Variants in RANBP3 observed in about 807,000 individuals in gnomAD.
RANBP3 encodes the protein ran-binding protein 3.
A neutral mutation model predicts 77.3 loss-of-function variants in RANBP3; 14 were observed. That is an observed-to-expected ratio of 0.18 (90% CI 0.12 to 0.28). The LOEUF is 0.28. RANBP3 is among the 10% of genes least tolerant of loss of function. The probability of loss-of-function intolerance (pLI) is 1.00; values close to 1 mark genes in which losing one functional copy is unlikely to be tolerated. For synonymous variants in RANBP3, 315 were observed against 312.4 expected, an observed-to-expected ratio of 1.01 and a Z score of -0.09; for missense variants, 586 against 752.3, an observed-to-expected ratio of 0.78 and a Z score of 2.59.
intron 3 of RANBP3, among the ~76,000 whole-genome samples, chr19:5,947,217 G>A (rs2058216523): frequency 6.6e-6 from 1 of 151,704 alleles, no homozygotes; most frequent in Non-Finnish European, 1.5e-5. Context: ...GGGAGGCTGA[G>A]TCAGGAGAAT....
chr19:5,921,857 C>T lies in RANBP3; in HGVS notation c.1210-536G>A, dbSNP rs1051820081. Among the ~76,000 whole-genome samples, 6 of 152,244 alleles carry T rather than the reference C, an allele frequency of 3.9e-5. No individual in the cohort carries two copies. The highest frequency in any genetic ancestry group is 1.4e-4 in the African/African-American group (6 of 41,452). ...ACACACATGGTCCGCCCCTACAGCG[C>T]ATCTCACTCAGTCTTAATAAAGAAC... On this transcript the variant is annotated intron_variant, in intron 13 of 16. Coordinates refer to ENST00000340578, the MANE Select transcript of RANBP3 (RefSeq NM_007322.3). This position sits in a 1 kb window ranked among gnomAD's most constrained non-coding sequence, Gnocchi z 5.3.
At position 5,923,883 on chromosome 19, in the gene RANBP3, T is replaced by C. The variant is rs2057863522; in HGVS notation, c.1028A>G (p.Asp343Gly). The change falls in exon 12 of 17, where the codon GAT becomes GGT. Residue 343 changes from aspartate to glycine, a missense_variant. Asp to Gly is a moderately conservative substitution (Grantham distance 94, BLOSUM62 -1). This residue lies in a region of RANBP3 where 232 missense variants were observed against 271.7 expected (regional missense o/e 0.85). Transcript: ENST00000340578. ...GGCAGCTGCATTTTCCCTGTTGGCA[T>C]CTGAACTGACCTCGTTTAATTTTGG... is the stretch of plus-strand genomic sequence containing the variant. ...SPPKLNEVSS[D>G]ANRENAAAES... The C allele has an allele frequency of 1.9e-6, 3 of 1,614,138 alleles. No individual in the cohort carries two copies. Among genetic ancestry groups the C allele is most frequent in the Non-Finnish European group, 8.5e-7 (1 of 1,180,010 alleles).
intron 5 of RANBP3, among the ~76,000 whole-genome samples, chr19:5,939,917 G>A (rs2058113534): frequency 6.6e-6 from 1 of 152,244 alleles, no homozygotes; most frequent in Non-Finnish European, 1.5e-5. Flanking sequence ...CCACATTGGA[G>A]GCCCTGACTC....
chr19:5,972,717 G>C (rs1181904002), intron 1 of RANBP3, among the ~76,000 whole-genome samples: 2 of 151,992 alleles, frequency 1.3e-5, no homozygotes, highest in African/African-American at 4.8e-5. Context: ...CCTATTCACT[G>C]TCTGAACTCA....
At chr19:5,939,397 TGAA>T (rs765467364) in intron 5 of RANBP3, among the ~76,000 whole-genome samples, 15 of 152,218 alleles carry the variant, frequency 9.9e-5, no homozygotes, top group African/African-American at 2.6e-4. Context: ...TTTTAACAGC[TGAA>T]GAAGAACTGA....
chr19:5,927,949 G>T lies in RANBP3; in HGVS notation c.813+19C>A. 3.1e-6 allele frequency: 5 copies of T among 1,593,318 alleles called. No individual in the cohort carries two copies. The highest frequency in any genetic ancestry group is 4.3e-6 in the Non-Finnish European group (5 of 1,171,560). On this transcript the variant is annotated intron_variant, in intron 9 of 16. Transcript: ENST00000340578. The stretch of plus-strand genomic sequence containing the variant: ...GGAAGGCATAAAAAGTCAATGTGCT[G>T]GTTCAACAGCTCACATACCTTAACT...
intron 14 of RANBP3, among the ~76,000 whole-genome samples, chr19:5,919,762 T>C (rs1429782628): frequency 4.6e-5 from 7 of 152,146 alleles, no homozygotes; most frequent in Admixed American, 1.3e-4. Context: ...TTAGCCAGGC[T>C]TGGTGGCGGG....
At chr19:5,940,729 C>T (rs2058125002) in intron 5 of RANBP3, among the ~76,000 whole-genome samples, 2 of 152,334 alleles carry the variant, frequency 1.3e-5, no homozygotes, top group Admixed American at 6.5e-5. Context: ...ACCAGAGAAC[C>T]TGTCTAAACA....
At chr19:5,928,761 T>C (rs567212777) in intron 8 of RANBP3, among the ~76,000 whole-genome samples, 1 of 83,444 alleles carries the variant, frequency 1.2e-5, no homozygotes, top group African/African-American at 5.1e-5. Flanking sequence ...TTTCAACATG[T>C]AGGCATGACT....
At chr19:5,947,796 G>A (rs963504601) in intron 3 of RANBP3, among the ~76,000 whole-genome samples, 96 of 152,322 alleles carry the variant, frequency 6.3e-4, no homozygotes, top group African/African-American at 2.3e-3. Context: ...CAGCCATAGG[G>A]AGCTTGTGGG....
rs769227444 is a variant in RANBP3, at chr19:5,951,549, C to A, written c.126G>T (p.Arg42=). 2 of 1,613,162 alleles carry A rather than the reference C, an allele frequency of 1.2e-6. No homozygotes were observed. The highest frequency in any genetic ancestry group is 3.3e-5 in the Admixed American group (2 of 59,910). Residue 42 remains arginine, a synonymous_variant, in exon 3 of 17, where the codon CGG becomes CGT. Transcript: ENST00000340578. ...KNLSDSGEEP[R]GEAEAPHHGT... ...CATGGTGGGGGGCCTCAGCCTCCCCCCGAGGCTCCTCTCCCGAATCCGACA... is the reference window on the plus strand; with the variant it reads ...CATGGTGGGGGGCCTCAGCCTCCCCACGAGGCTCCTCTCCCGAATCCGACA...
chr19:5,917,685 G>A (rs1391205648), intron 16 of RANBP3, 32 bp from the exon 17 acceptor site: 2 of 1,602,122 alleles, frequency 1.2e-6, no homozygotes, highest in African/African-American at 1.3e-5. Flanking sequence ...GCATCAGGAT[G>A]GAGCCCGCAC....
chr19:5,956,149 A>G (rs920691891), intron 2 of RANBP3, among the ~76,000 whole-genome samples: 2 of 152,302 alleles, frequency 1.3e-5, no homozygotes, highest in East Asian at 1.9e-4. Flanking sequence ...AGCAAAAAAC[A>G]AAACAAAAAA....
chr19:5,924,700 C>G lies in RANBP3; in HGVS notation c.996+127G>C, dbSNP rs1365009274. The G allele has an allele frequency of 4.2e-6, 4 of 952,378 alleles. No individual in the cohort carries two copies. The highest frequency in any genetic ancestry group is 6.7e-6 in the Non-Finnish European group (4 of 596,234). 59.0% of individuals were successfully genotyped at this position (952,378 alleles called of 1,614,324 possible). On this transcript the variant is annotated intron_variant, in intron 11 of 16. Coordinates refer to ENST00000340578, the MANE Select transcript of RANBP3 (RefSeq NM_007322.3). This position sits in a 1 kb window ranked among gnomAD's most constrained non-coding sequence, Gnocchi z 4.7. ...TCTGAGCAGGGTCTTCCCTCTCTCA[C>G]TTGCTACTGAAGGCATCCCCATCTC...
intron 3 of RANBP3, among the ~76,000 whole-genome samples, chr19:5,946,395 CCT>C (rs1214562362): frequency 1.3e-5 from 2 of 152,180 alleles, no homozygotes; most frequent in South Asian, 2.1e-4. Context: ...CTGCCTGACC[CCT>C]GATCTCAGGA....
rs559958027 is a variant in RANBP3 at position 5,955,929 on chromosome 19, C to T, written c.78+1989G>A. Among the ~76,000 whole-genome samples, 8 of 152,084 alleles carry T rather than the reference C, an allele frequency of 5.3e-5. No homozygotes were observed. In the South Asian group the frequency reaches 1.7e-3, roughly 32 times the overall value. ...CCAGCTTGGGCAACACAGCAAGACA[C>T]CATCTCTAAAAAAAATTTTTTTTTT... On this transcript the variant is annotated intron_variant, in intron 2 of 16. Transcript: ENST00000340578.
intron 12 of RANBP3, 39 bp downstream of exon 12, chr19:5,923,773 C>G: frequency 6.6e-7 from 1 of 1,526,636 alleles, no homozygotes; most frequent in Non-Finnish European, 9.1e-7. Context: ...CCAAGATGAC[C>G]TACCATGAGC....
At chr19:5,927,826 C>T (rs944850828) in intron 9 of RANBP3, 142 bp downstream of exon 9, 10 of 1,083,048 alleles carry the variant, frequency 9.2e-6, no homozygotes, top group Non-Finnish European at 1.3e-5. Flanking sequence ...CAGACTGTGC[C>T]GTGAGCCATG....
At chr19:5,918,387 A>AGGGGGGGGGGGGGGGGGGGGGGGGGGGGG in intron 15 of RANBP3, 109 bp downstream of exon 15, 5 of 529,918 alleles carry the variant, frequency 9.4e-6, no homozygotes, top group East Asian at 5.3e-5. Flanking sequence ...AAGCAACTGA[A>AGGGGGGGGGGGGGGGGGGGGGGGGGGGGG]GCCCCTCCCC....
Sources: gnomAD v4.1 joint callset for allele counts (sites outside exome capture counted in the v4.1 genomes callset) on GRCh38, gnomAD v4.1.1 for gene constraint, gnomAD v4.1.1 regional missense constraint, Gnocchi (gnomAD v3.1) non-coding constraint, MANE v1.5 for transcripts, NCBI Gene and HGNC (gene_info 2026-07-23, HGNC 2026-07-21) for gene names.